Variants in ABI1 observed in about 807,000 individuals in gnomAD.
The protein encoded by ABI1 is Abelson interactor 1.
ABI1 carries 14 observed loss-of-function variants against 54.6 expected under a neutral mutation model. The observed-to-expected ratio is 0.26, with a 90% CI of 0.17 to 0.40. The LOEUF (loss-of-function observed/expected upper bound fraction) is 0.40. Ranked by LOEUF, ABI1 falls within the 10% of genes least tolerant of loss-of-function variation. ABI1 has a pLI of 1.00. For missense variants in ABI1, 443 were observed against 598.3 expected, an observed-to-expected ratio of 0.74 and a Z score of 2.71; for synonymous variants, 194 against 209.3, an observed-to-expected ratio of 0.93 and a Z score of 0.63.
chr10:26,774,620 T>C (rs1290586776), intron 3 of ABI1, among the ~76,000 whole-genome samples: 2 of 152,112 alleles, frequency 1.3e-5, no homozygotes, highest in African/African-American at 4.8e-5. Flanking sequence ...CCTATTAAAC[T>C]AACATGTACC....
chr10:26,768,119 C>G (rs1028778759), intron 6 of ABI1, among the ~76,000 whole-genome samples: 10 of 152,068 alleles, frequency 6.6e-5, no homozygotes, highest in Non-Finnish European at 4.4e-5. Context: ...AAATCTCCCT[C>G]AGATTTAAGC....
At chr10:26,794,568 G>T (rs888108526) in intron 2 of ABI1, among the ~76,000 whole-genome samples, 1 of 150,762 alleles carries the variant, frequency 6.6e-6, no homozygotes, top group Non-Finnish European at 1.5e-5. Flanking sequence ...ACCATCCTAT[G>T]CCCTCAGTTT....
chr10:26,857,397 C>G (rs1310572500), intron 1 of ABI1, among the ~76,000 whole-genome samples: 1 of 147,136 alleles, frequency 6.8e-6, no homozygotes, highest in Non-Finnish European at 1.5e-5. Flanking sequence ...TACTGGCACA[C>G]TGGGAGGCCA....
At chr10:26,767,287 C>T (rs1431324390) in intron 6 of ABI1, among the ~76,000 whole-genome samples, 1 of 152,158 alleles carries the variant, frequency 6.6e-6, no homozygotes, top group African/African-American at 2.4e-5. Flanking sequence ...TGTTTACTAA[C>T]AGCACCAATA....
At chr10:26,846,002 G>A (rs1483879578) in intron 1 of ABI1, among the ~76,000 whole-genome samples, 8 of 152,002 alleles carry the variant, frequency 5.3e-5, no homozygotes, top group African/African-American at 1.9e-4. Context: ...AAAGTAGCCA[G>A]GCACGGTGGT....
chr10:26,773,998 C>T (rs145831939), intron 3 of ABI1, among the ~76,000 whole-genome samples: 1 of 152,172 alleles, frequency 6.6e-6, no homozygotes, highest in Non-Finnish European at 1.5e-5. Flanking sequence ...CACAAACACA[C>T]AGTAATCCAG....
At chr10:26,770,784 CTAATTG>C (rs1005239480) in intron 4 of ABI1, among the ~76,000 whole-genome samples, 7 of 152,098 alleles carry the variant, frequency 4.6e-5, no homozygotes, top group African/African-American at 1.7e-4. Context: ...GGGAAACCTC[CTAATTG>C]TAAGTCAATG....
rs80258073 is a variant in ABI1, at chr10:26,757,125, C to T, written c.998-1384G>A. Among the ~76,000 whole-genome samples the T allele has an allele frequency of 7.8e-4, 119 of 152,144 alleles. 1 individual carries two copies. In the Middle Eastern group the frequency reaches 0.01, roughly 13 times the overall value. On this transcript the variant is annotated intron_variant, in intron 8 of 10. Coordinates refer to ENST00000376140, the MANE Select transcript of ABI1 (RefSeq NM_001012750.3). ...GTTAGTATGTAATGAAAAAGAAAAG[C>T]TATGCTGTGAAGATACTAATCATTA...
At chr10:26,852,805 G>A (rs760186461) in intron 1 of ABI1, among the ~76,000 whole-genome samples, 23 of 152,046 alleles carry the variant, frequency 1.5e-4, no homozygotes, top group Non-Finnish European at 3.2e-4. Context: ...GGTGGCTCAC[G>A]CCTGTAATCC....
intron 2 of ABI1, among the ~76,000 whole-genome samples, chr10:26,808,330 C>T (rs2047004602): frequency 6.6e-6 from 1 of 152,162 alleles, no homozygotes; most frequent in Admixed American, 6.5e-5. Context: ...AAATCCATAG[C>T]ATTGCCCCTA....
rs796434355 is a variant in ABI1, at chr10:26,791,087, A to AC, written c.286-13847_286-13846insG. 4.2e-3 allele frequency among the ~76,000 whole-genome samples: 611 copies of AC among 145,220 alleles called. 6 individuals are homozygous for AC. Among genetic ancestry groups the AC allele is most frequent in the Admixed American group, 7.0e-3 (101 of 14,344 alleles). On this transcript the variant is annotated intron_variant, in intron 2 of 10. Coordinates refer to ENST00000376140, the MANE Select transcript of ABI1 (RefSeq NM_001012750.3). ...CCGTCTCAAAAAAAAAAAAAAAAAA[A>AC]AAAACAGAGCGAATATAATACAAGT... is the stretch of plus-strand genomic sequence containing the variant.
intron 1 of ABI1, among the ~76,000 whole-genome samples, chr10:26,834,605 A>G (rs981698687): frequency 6.6e-6 from 1 of 151,724 alleles, no homozygotes; most frequent in South Asian, 2.1e-4. Flanking sequence ...AAAAGAAGAC[A>G]TACGAATGGC....
At chr10:26,793,275 T>C (rs1292091067) in intron 2 of ABI1, among the ~76,000 whole-genome samples, 1 of 152,238 alleles carries the variant, frequency 6.6e-6, no homozygotes, top group Non-Finnish European at 1.5e-5. Context: ...AATCTTTGTC[T>C]GTTATTGCTT....
intron 1 of ABI1, among the ~76,000 whole-genome samples, chr10:26,857,320 CAAAAAAAAAAAAAAAAAA>C (rs71403897): frequency 1.3e-5 from 1 of 75,906 alleles, no homozygotes; most frequent in Non-Finnish European, 3.1e-5. Flanking sequence ...GACTCCATCT[CAAAAAAAAAAAAAAAAAA>C]AAAAAAAAAA....
At chr10:26,835,777 A>T (rs58568477) in intron 1 of ABI1, among the ~76,000 whole-genome samples, 10,231 of 144,396 alleles carry the variant, frequency 0.071, 403 homozygotes, top group East Asian at 0.15. Context: ...TTTTACTAAT[A>T]TTTTTTTTTT....
chr10:26,799,498 T>C (rs181666555), intron 2 of ABI1, among the ~76,000 whole-genome samples: 3 of 152,224 alleles, frequency 2.0e-5, no homozygotes, highest in East Asian at 3.9e-4. Context: ...AATGAGCACG[T>C]GCAACTGCAC....
intron 2 of ABI1, among the ~76,000 whole-genome samples, chr10:26,796,192 T>C (rs572563225): frequency 1.3e-5 from 2 of 152,222 alleles, no homozygotes; most frequent in African/African-American, 2.4e-5. Flanking sequence ...GGTCAAAAGA[T>C]ACAAAATAGC....
chr10:26,746,640 A>G lies in ABI1; in HGVS notation c.*1930T>C, dbSNP rs1370172633. On this transcript the variant is annotated 3_prime_UTR_variant, in exon 11 of 11. Coordinates refer to ENST00000376140, the MANE Select transcript of ABI1 (RefSeq NM_001012750.3). The stretch of plus-strand genomic sequence containing the variant: ...TTTTTATTGCAAAAGTTTTTTCAGA[A>G]AACTTTTTAAATGTAATTAATAAAC... 1.5e-6 allele frequency: 1 copy of G among 669,108 alleles called. No homozygotes were observed. Among genetic ancestry groups the G allele is most frequent in the African/African-American group, 1.8e-5 (1 of 55,188 alleles). 41.4% of individuals were successfully genotyped at this position (669,108 alleles called of 1,614,324 possible).
intron 2 of ABI1, among the ~76,000 whole-genome samples, chr10:26,816,446 C>A (rs547183807): frequency 6.6e-6 from 1 of 152,190 alleles, no homozygotes; most frequent in South Asian, 2.1e-4. Flanking sequence ...CCCATAAAAA[C>A]TTTATGTTAA....
Sources: allele counts gnomAD v4.1 joint callset (sites outside exome capture counted in the v4.1 genomes callset), GRCh38; gene constraint gnomAD v4.1.1; transcripts MANE v1.5; gene names NCBI Gene and HGNC (gene_info 2026-07-23, HGNC 2026-07-21).